ABCA13: variants seen among roughly 807,000 people sequenced by gnomAD.
ABCA13 encodes the protein ATP-binding cassette sub-family A member 13.
Under a neutral mutation model 478.7 loss-of-function variants are expected in ABCA13, and 476 were observed. The observed-to-expected ratio is 0.99, with a 90% CI of 0.92 to 1.07. ABCA13 has a LOEUF of 1.07. ABCA13 is among the 50% of genes least tolerant of loss of function. The probability of loss-of-function intolerance (pLI) is 0.00; values close to 1 mark genes in which losing one functional copy is unlikely to be tolerated. For synonymous variants in ABCA13, 2,252 were observed against 2,158.9 expected (o/e 1.04, Z -1.20); for missense variants, 6,060 against 5,910.6 (o/e 1.03, Z -0.83).
intron 24 of ABCA13, among the ~76,000 whole-genome samples, chr7:48,311,662 G>A (rs1279902305): frequency 6.6e-6 from 1 of 152,152 alleles, no homozygotes; most frequent in African/African-American, 2.4e-5. Flanking sequence ...CAGACACAAT[G>A]AAAATGACAT....
Position 48,245,575 on chromosome 7 carries a change from A to C in ABCA13, c.1454A>C (p.Lys485Thr). 1 of 1,613,178 alleles carries C rather than the reference A, an allele frequency of 6.2e-7. No individual in the cohort carries two copies. The highest frequency in any genetic ancestry group is 8.5e-7 in the Non-Finnish European group (1 of 1,179,642). Reference protein sequence around the residue: ...DFKWFELNQLKLEKDVFFWEL... With the variant: ...DFKWFELNQLTLEKDVFFWEL... Reference sequence around the variant, plus strand: ...AAATGGTTTGAACTTAACCAATTGAAACTGGAAAAGGATGTGTTCTTTTGG... The same window carrying C: ...AAATGGTTTGAACTTAACCAATTGACACTGGAAAAGGATGTGTTCTTTTGG... Residue 485 changes from lysine (K) to threonine (T), a missense_variant, in exon 12 of 62, where the codon AAA becomes ACA. Physicochemically the swap from Lys to Thr is moderately conservative, Grantham distance 78. Around this residue, in one of 3 missense-constraint regions of ABCA13, gnomAD observed 4,423 missense variants for 4,309.1 expected, o/e 1.03. Transcript: ENST00000435803.
chr7:48,442,112 T>G (rs908457648), intron 42 of ABCA13, among the ~76,000 whole-genome samples: 3 of 152,202 alleles, frequency 2.0e-5, no homozygotes, highest in African/African-American at 7.2e-5. Context: ...TCAAGTGGCA[T>G]GAACACACAG....
In ABCA13 at chr7:48,645,486, C is replaced by A; in HGVS notation, c.15151C>A (p.His5051Asn). 1 of 1,589,186 alleles carries A rather than the reference C, an allele frequency of 6.3e-7. No homozygotes were observed. The highest frequency in any genetic ancestry group is 1.2e-5 in the South Asian group (1 of 86,622). ...TACTCTTGATCCATCCACTGACAGT[C>A]ACCACACACATCACTTGCCCATCTG... is the stretch of plus-strand genomic sequence containing the variant. ...QSTLDPSTDSHHTHHLPI is the reference protein window; with the variant it reads ...QSTLDPSTDSNHTHHLPI Residue 5051 changes from histidine to asparagine, a missense_variant, in exon 62 of 62, where the codon CAC becomes AAC. This residue lies in a region of ABCA13 where 1,627 missense variants were observed against 1,571.0 expected (regional missense o/e 1.04). Coordinates refer to ENST00000435803, the MANE Select transcript of ABCA13 (RefSeq NM_152701.5).
At position 48,555,078 on chromosome 7, in the gene ABCA13, C is replaced by T. The variant is rs550647034; in HGVS notation, c.14355-25146C>T. Among the ~76,000 whole-genome samples the T allele has an allele frequency of 4.7e-4, 71 of 151,812 alleles. 2 individuals carry two copies. In the South Asian group the frequency reaches 0.015, roughly 31 times the overall value. On this transcript the variant is annotated intron_variant, in intron 55 of 61. Transcript: ENST00000435803. ...AATTTACTGAATACTTTTTCAGTAT[C>T]AATTGAAATGATTATATGGTGTTTA...
intron 14 of ABCA13, 119 bp downstream of exon 14, chr7:48,248,563 T>G (rs1364360428): frequency 4.6e-6 from 4 of 866,746 alleles, no homozygotes; most frequent in Non-Finnish European, 6.7e-6. Context: ...AGAAAGAGGT[T>G]CAATTTATTT....
At chr7:48,495,948 T>C (rs578015304) in intron 48 of ABCA13, among the ~76,000 whole-genome samples, 8 of 152,288 alleles carry the variant, frequency 5.3e-5, no homozygotes, top group African/African-American at 1.9e-4. Flanking sequence ...GATTAATGTT[T>C]ACATAATATA....
chr7:48,203,154 G>T (rs1446072041), intron 3 of ABCA13, among the ~76,000 whole-genome samples: 1 of 152,334 alleles, frequency 6.6e-6, no homozygotes, highest in Non-Finnish European at 1.5e-5. Flanking sequence ...CGCTGGCCCG[G>T]GTGCTAAGTC....
At chr7:48,432,860 T>G (rs1337943591) in intron 42 of ABCA13, among the ~76,000 whole-genome samples, 2 of 152,040 alleles carry the variant, frequency 1.3e-5, no homozygotes, top group Non-Finnish European at 2.9e-5. Flanking sequence ...ATACAATATT[T>G]CAGTTATATA....
At chr7:48,556,600 T>G (rs1328174609) in intron 55 of ABCA13, among the ~76,000 whole-genome samples, 2 of 152,076 alleles carry the variant, frequency 1.3e-5, no homozygotes, top group Admixed American at 6.6e-5. Context: ...GAAATCCATT[T>G]TGTCTGATAT....
rs1790444575 is a variant in ABCA13, at chr7:48,239,266, A to C, written c.923A>C (p.Lys308Thr). 4 of 1,613,966 alleles carry C rather than the reference A, an allele frequency of 2.5e-6. No homozygotes were observed. Among genetic ancestry groups the C allele is most frequent in the Non-Finnish European group, 3.4e-6 (4 of 1,179,848 alleles). The change falls in exon 9 of 62, where the codon AAG becomes ACG. Residue 308 changes from lysine to threonine, a missense_variant. Coordinates refer to ENST00000435803, the MANE Select transcript of ABCA13 (RefSeq NM_152701.5). ...KEIPTDTSLE[K>T]MVCSVLSSTS... The stretch of plus-strand genomic sequence containing the variant: ...ATTCCCACAGACACTTCCTTGGAGA[A>C]GATGGTGTGTTCAGTCTTGTCTAGC...
At chr7:48,179,981 G>A (rs542533097) in intron 1 of ABCA13, among the ~76,000 whole-genome samples, 46 of 152,102 alleles carry the variant, frequency 3.0e-4, no homozygotes, top group African/African-American at 7.2e-4. Context: ...TGGGTAACTC[G>A]CACAGGCCCA....
chr7:48,455,082 T>C lies in ABCA13; in HGVS notation c.12611T>C (p.Leu4204Pro). ...GCAACTGTGCAGGGCGTCCAGCTGC[T>C]CCGCGCACAAGTGGCCGCGATCCTG... ...RPATVQGVQL[L>P]RAQVAAILAR... The change falls in exon 43 of 62, where the codon CTC (leucine) becomes CCC (proline). Residue 4204 changes from leucine (L) to proline (P), a missense_variant. Coordinates refer to ENST00000435803, the MANE Select transcript of ABCA13 (RefSeq NM_152701.5). The C allele has an allele frequency of 6.5e-7, 1 of 1,546,176 alleles. No individual in the cohort carries two copies. Among genetic ancestry groups the C allele is most frequent in the South Asian group, 1.2e-5 (1 of 83,976 alleles).
chr7:48,289,353 C>G (rs1224257618), intron 20 of ABCA13, among the ~76,000 whole-genome samples: 1 of 150,294 alleles, frequency 6.7e-6, no homozygotes, highest in Non-Finnish European at 1.5e-5. Context: ...AAAAGCCCCA[C>G]AGACAATTTT....
chr7:48,331,518 G>A (rs1225712522), intron 27 of ABCA13, among the ~76,000 whole-genome samples: 2 of 152,110 alleles, frequency 1.3e-5, no homozygotes, highest in Non-Finnish European at 2.9e-5. Flanking sequence ...TCCCAACTGT[G>A]GTCAGTGGGC....
intron 55 of ABCA13, among the ~76,000 whole-genome samples, chr7:48,531,580 A>T (rs936708634): frequency 2.0e-5 from 3 of 151,780 alleles, no homozygotes; most frequent in African/African-American, 7.3e-5. Context: ...GATTGCTTTT[A>T]GCAGTATGGT....
At chr7:48,587,049 C>A (rs7778411) in intron 56 of ABCA13, 105 bp from the exon 57 acceptor site, 1 of 1,455,274 alleles carries the variant, frequency 6.9e-7, no homozygotes, top group Non-Finnish European at 9.4e-7. Context: ...GTGTGAAGGT[C>A]GGCAGGGTTA....
rs964455652 is a variant in ABCA13 at position 48,201,897 on chromosome 7, C to T, written c.287+3537C>T. ...GTTCCTTCTGATGTTCGGACGTGTC[C>T]GGAGTTTCTTCCTTCTGGTGGGTTC... On this transcript the variant is annotated intron_variant, in intron 3 of 61. Transcript: ENST00000435803. Among the ~76,000 whole-genome samples, 5 of 151,906 alleles carry T rather than the reference C, an allele frequency of 3.3e-5. No homozygotes were observed. In the East Asian group the frequency reaches 9.7e-4, roughly 29 times the overall value.
rs758275419 is a variant in ABCA13 at position 48,274,402 on chromosome 7, A to T, written c.4736A>T (p.Asn1579Ile). 1.9e-6 allele frequency: 3 copies of T among 1,612,788 alleles called. No homozygotes were observed. The South Asian group carries it at 3.3e-5, about 18-fold the overall frequency. The stretch of plus-strand genomic sequence containing the variant: ...TCTTCTAAAACTGAAAACTTGTTAA[A>T]CATATTTGCCACCAGTCCAAAAGAA... ...NSSSKTENLL[N>I]IFATSPKEKD... The change falls in exon 17 of 62, where the codon AAC becomes ATC. Residue 1579 changes from asparagine to isoleucine, a missense_variant. By Grantham distance (149) the Asn-to-Ile change is moderately radical. Coordinates refer to ENST00000435803, the MANE Select transcript of ABCA13 (RefSeq NM_152701.5).
intron 46 of ABCA13, among the ~76,000 whole-genome samples, chr7:48,482,620 C>A (rs1375984594): frequency 6.6e-6 from 1 of 152,046 alleles, no homozygotes; most frequent in African/African-American, 2.4e-5. Context: ...TCTCAAACTC[C>A]TGACCTCAGG....
Sources: gnomAD v4.1 joint callset for allele counts (sites outside exome capture counted in the v4.1 genomes callset) on GRCh38, gnomAD v4.1.1 for gene constraint, gnomAD v4.1.1 regional missense constraint, MANE v1.5 for transcripts, NCBI Gene and HGNC (gene_info 2026-07-23, HGNC 2026-07-21) for gene names.